TACR1: variants seen among roughly 807,000 people sequenced by gnomAD.
TACR1 encodes the protein substance-P receptor.
Under a neutral mutation model 35.8 loss-of-function variants are expected in TACR1, and 25 were observed. The ratio of observed to expected loss-of-function variants is 0.70; its 90% CI spans 0.51 to 0.98. TACR1 has a LOEUF of 0.98. TACR1 is among the 50% of genes least tolerant of loss of function. TACR1 has a pLI of 0.00. For synonymous variants in TACR1, 195 were observed against 206.7 expected (o/e 0.94, Z 0.48); for missense variants, 478 against 522.9 (o/e 0.91, Z 0.84).
chr2:75,105,121 A>C (rs1217212070), intron 2 of TACR1, among the ~76,000 whole-genome samples: 1 of 152,162 alleles, frequency 6.6e-6, no homozygotes, highest in Non-Finnish European at 1.5e-5. Context: ...AATAACCAAG[A>C]TATAGAATCA....
intron 2 of TACR1, among the ~76,000 whole-genome samples, chr2:75,084,322 G>A (rs1217083238): frequency 1.3e-5 from 2 of 152,108 alleles, no homozygotes; most frequent in African/African-American, 2.4e-5. Flanking sequence ...TGCTGGATTC[G>A]GTTTGCCAGT....
intron 2 of TACR1, among the ~76,000 whole-genome samples, chr2:75,096,868 C>T (rs1673434508): frequency 6.6e-6 from 1 of 152,198 alleles, no homozygotes; most frequent in Admixed American, 6.5e-5. Context: ...ATGAGATCCT[C>T]CTCAGACCCA....
At chr2:75,124,208 T>C (rs1049215192) in intron 1 of TACR1, among the ~76,000 whole-genome samples, 1 of 152,246 alleles carries the variant, frequency 6.6e-6, no homozygotes, top group Admixed American at 6.5e-5. Context: ...AGCCTTCCTC[T>C]TGCATGATGA....
chr2:75,083,230 G>A (rs1333811436), intron 2 of TACR1, among the ~76,000 whole-genome samples: 1 of 152,242 alleles, frequency 6.6e-6, no homozygotes, highest in Non-Finnish European at 1.5e-5. Flanking sequence ...AAGATCAGAT[G>A]GTTGTAGATG....
intron 2 of TACR1, among the ~76,000 whole-genome samples, chr2:75,071,957 C>T (rs938002559): frequency 6.6e-5 from 10 of 152,090 alleles, no homozygotes; most frequent in African/African-American, 2.4e-4. Context: ...AGCCAGATAG[C>T]AGGAACTGAA....
chr2:75,157,546 G>C (rs1674893144), intron 1 of TACR1, among the ~76,000 whole-genome samples: 1 of 152,228 alleles, frequency 6.6e-6, no homozygotes, highest in Admixed American at 6.5e-5. Flanking sequence ...AGAAGGGGCA[G>C]GTAAGTGGCC....
chr2:75,147,536 T>C (rs2103958976), intron 1 of TACR1, among the ~76,000 whole-genome samples: 1 of 152,272 alleles, frequency 6.6e-6, no homozygotes, highest in Middle Eastern at 3.4e-3. Flanking sequence ...CCCGCATGTA[T>C]CAGCTATTCG....
chr2:75,108,538 C>G (rs925798491), intron 2 of TACR1, among the ~76,000 whole-genome samples: 2 of 151,908 alleles, frequency 1.3e-5, no homozygotes, highest in Non-Finnish European at 2.9e-5. Flanking sequence ...AACCAATAAC[C>G]CAAAACTTAC....
At chr2:75,088,757 G>A (rs1486544075) in intron 2 of TACR1, among the ~76,000 whole-genome samples, 1 of 151,980 alleles carries the variant, frequency 6.6e-6, no homozygotes, top group Non-Finnish European at 1.5e-5. Context: ...CAAGGAAGGG[G>A]GATGGTATCC....
intron 3 of TACR1, 126 bp from the exon 4 acceptor site, chr2:75,051,573 C>T (rs1672472192): frequency 1.3e-6 from 2 of 1,491,244 alleles, no homozygotes; most frequent in Non-Finnish European, 1.8e-6. Flanking sequence ...AAAAGACGCC[C>T]CTTCAAGGAG....
intron 2 of TACR1, among the ~76,000 whole-genome samples, chr2:75,071,057 A>G (rs1194624423): frequency 6.6e-6 from 1 of 152,238 alleles, no homozygotes; most frequent in Non-Finnish European, 1.5e-5. Context: ...CTTGGAACAC[A>G]GTCATGCCCG....
chr2:75,091,265 A>G (rs1673307326), intron 2 of TACR1, among the ~76,000 whole-genome samples: 1 of 150,750 alleles, frequency 6.6e-6, no homozygotes, highest in South Asian at 2.1e-4. Flanking sequence ...ACCATAACTC[A>G]TGGTGAACTC....
chr2:75,093,986 G>T (rs1231824270), intron 2 of TACR1, among the ~76,000 whole-genome samples: 1 of 152,096 alleles, frequency 6.6e-6, no homozygotes, highest in Non-Finnish European at 1.5e-5. Flanking sequence ...TAGAGGCAAA[G>T]CCAGGGCTAG....
chr2:75,086,945 C>T (rs1240370603), intron 2 of TACR1, among the ~76,000 whole-genome samples: 1 of 152,140 alleles, frequency 6.6e-6, no homozygotes, highest in Non-Finnish European at 1.5e-5. Flanking sequence ...TAAGAGAAAT[C>T]ATCACTGTTT....
intron 2 of TACR1, among the ~76,000 whole-genome samples, chr2:75,101,967 T>A (rs1456634012): frequency 6.6e-6 from 1 of 151,580 alleles, no homozygotes; most frequent in Non-Finnish European, 1.5e-5. Context: ...AATAAAAAAA[T>A]AAAAAAATAA....
intron 2 of TACR1, among the ~76,000 whole-genome samples, chr2:75,078,363 T>A (rs1673018447): frequency 1.3e-5 from 2 of 151,932 alleles, no homozygotes; most frequent in African/African-American, 4.8e-5. Flanking sequence ...AGAGAAGAGA[T>A]TATAGCCCTC....
chr2:75,054,733 A>G lies in TACR1; in HGVS notation c.585-978T>C, dbSNP rs146805969. Among the ~76,000 whole-genome samples, 644 of 152,190 alleles carry G rather than the reference A, an allele frequency of 4.2e-3. 3 individuals carry two copies. Among genetic ancestry groups the G allele is most frequent in the Non-Finnish European group, 6.9e-3 (468 of 68,026 alleles). Reference sequence around the variant, plus strand: ...TCTTAGATGTGAGTATAATGGAGATACTCAGAATTCCTAATAATAATAATA... The same window carrying G: ...TCTTAGATGTGAGTATAATGGAGATGCTCAGAATTCCTAATAATAATAATA... On this transcript the variant is annotated intron_variant, in intron 2 of 4. Coordinates refer to ENST00000305249, the MANE Select transcript of TACR1 (RefSeq NM_001058.4).
chr2:75,061,498 T>C (rs1421396140), intron 2 of TACR1, among the ~76,000 whole-genome samples: 1 of 152,092 alleles, frequency 6.6e-6, no homozygotes, highest in East Asian at 1.9e-4. Context: ...GTGTGTTTGG[T>C]TGAAAGGATA....
At chr2:75,067,639 C>G (rs58452038) in intron 2 of TACR1, among the ~76,000 whole-genome samples, 36,076 of 152,096 alleles carry the variant, frequency 0.24, 5,370 homozygotes, top group African/African-American at 0.38. Context: ...GGTGTCCACA[C>G]AAAGGACTCT....
Sources: allele counts gnomAD v4.1 joint callset (sites outside exome capture counted in the v4.1 genomes callset), GRCh38; gene constraint gnomAD v4.1.1; transcripts MANE v1.5; gene names NCBI Gene and HGNC (gene_info 2026-07-23, HGNC 2026-07-21).